NDUFAF6: variants seen among roughly 807,000 people sequenced by gnomAD.
NDUFAF6 encodes the protein NADH:ubiquinone oxidoreductase complex assembly factor 6, also known as NADH dehydrogenase (ubiquinone) complex I, assembly factor 6.
A neutral mutation model predicts 40.8 loss-of-function variants in NDUFAF6; 45 were observed. The observed-to-expected ratio is 1.10, with a 90% CI of 0.87 to 1.42. The LOEUF is 1.42. NDUFAF6 is among the 40% of genes most tolerant of loss of function. The pLI is 0.00. For missense variants in NDUFAF6, 435 were observed against 418.5 expected (o/e 1.04, Z -0.34); for synonymous variants, 185 against 155.9 (o/e 1.19, Z -1.39).
At chr8:94,977,274 G>C (rs1825039671) in intron 1 of NDUFAF6, among the ~76,000 whole-genome samples, 1 of 152,064 alleles carries the variant, frequency 6.6e-6, no homozygotes. Flanking sequence ...TGCTTTGGGA[G>C]GCCAAGGTGG....
chr8:95,048,285 T>C (rs996179455), intron 6 of NDUFAF6, among the ~76,000 whole-genome samples, 172 bp from the exon 7 acceptor site: 25 of 152,266 alleles, frequency 1.6e-4, no homozygotes, highest in African/African-American at 5.5e-4. Context: ...CACACGCACG[T>C]GCTCACATAC....
At chr8:94,968,950 T>A (rs1005955492) in intron 1 of NDUFAF6, among the ~76,000 whole-genome samples, 1 of 152,112 alleles carries the variant, frequency 6.6e-6, no homozygotes, top group Admixed American at 6.5e-5. Context: ...TAAGAATCTC[T>A]AAGGTCAGGA....
At chr8:95,007,800 C>G (rs529805528) in intron 2 of NDUFAF6, among the ~76,000 whole-genome samples, 2 of 151,552 alleles carry the variant, frequency 1.3e-5, no homozygotes, top group South Asian at 4.2e-4. Flanking sequence ...TCTAGGTTCA[C>G]TGCAAACTCT....
At chr8:95,117,057 G>A (rs139962309), downstream of NDUFAF6, among the ~76,000 whole-genome samples, 16 of 152,280 alleles carry the variant, frequency 1.1e-4, no homozygotes, top group African/African-American at 3.8e-4. Flanking sequence ...TAAATTCCTG[G>A]GCTTCATACT....
chr8:95,071,274 T>G (rs1304905701), intron 9 of NDUFAF6, among the ~76,000 whole-genome samples: 1 of 150,674 alleles, frequency 6.6e-6, no homozygotes, highest in East Asian at 1.9e-4. Flanking sequence ...GGCGGGCGCC[T>G]GTAGTCCCAG....
intron 1 of NDUFAF6, among the ~76,000 whole-genome samples, chr8:94,909,170 A>C (rs555175121): frequency 2.6e-5 from 4 of 151,862 alleles, no homozygotes; most frequent in African/African-American, 2.4e-5. Context: ...ACATGGCGAA[A>C]CCCCATCTCT....
intron 1 of NDUFAF6, among the ~76,000 whole-genome samples, chr8:94,968,052 G>A (rs1293611185): frequency 2.6e-5 from 4 of 152,102 alleles, no homozygotes; most frequent in South Asian, 2.1e-4. Context: ...GCCCCAGGTC[G>A]CTGCTGGCTA....
intron 1 of NDUFAF6, among the ~76,000 whole-genome samples, chr8:94,904,652 C>T (rs1818273905): frequency 6.6e-6 from 1 of 151,912 alleles, no homozygotes; most frequent in South Asian, 2.1e-4. Context: ...TCTCTTCTCC[C>T]TTGTGTTCCT....
intron 1 of NDUFAF6, among the ~76,000 whole-genome samples, chr8:94,920,624 C>A (rs1332643091): frequency 6.6e-6 from 1 of 152,216 alleles, no homozygotes; most frequent in African/African-American, 2.4e-5. Flanking sequence ...CCACTGCTTT[C>A]CATCATGGCT....
At position 94,983,878 on chromosome 8, in the gene NDUFAF6, G is replaced by A. The variant is rs143717837; in HGVS notation, c.-84+2905G>A. On this transcript the variant is annotated intron_variant, in intron 2 of 9. Transcript: ENST00000396111. ...CACTTATTAAAGTACAGATTCCAGG[G>A]TCTACCTCAGAGATAGCAAATCAGG... 2.6e-3 allele frequency among the ~76,000 whole-genome samples: 396 copies of A among 152,240 alleles called. 1 individual carries two copies. Among genetic ancestry groups the A allele is most frequent in the Non-Finnish European group, 4.1e-3 (278 of 68,030 alleles).
chr8:94,940,072 A>G, intron 1 of NDUFAF6: 1 of 1,614,240 alleles, frequency 6.2e-7, no homozygotes, highest in Non-Finnish European at 8.5e-7. Context: ...GACATGACTC[A>G]AACTGGAGAA....
chr8:94,988,961 C>T (rs1452220691), intron 2 of NDUFAF6: 2 of 152,216 alleles, frequency 1.3e-5, no homozygotes, highest in Admixed American at 1.3e-4. Context: ...ATTCCACTTA[C>T]ATGAAATGTA....
At position 95,025,098 on chromosome 8, in the gene NDUFAF6, C is replaced by A; in HGVS notation, c.90C>A (p.Tyr30Ter). 1 of 1,483,422 alleles carries A rather than the reference C, an allele frequency of 6.7e-7. No homozygotes were observed. The highest frequency in any genetic ancestry group is 2.4e-5 in the Admixed American group (1 of 41,964). The allele number at this position is 1,483,422 out of a possible 1,614,324, so 91.9% of individuals were successfully genotyped here. The stretch of plus-strand genomic sequence containing the variant: ...GCCGCCGGCCGCCTCTGGGTCTGTA[C>A]GCGCGCATGCGGCGGCTGCCCGGGC... ...LCCRRPPLGL[Y>*]ARMRRLPGPE... The change falls in exon 1 of 9, where the codon TAC becomes TAA. Residue 30 changes from tyrosine to a stop codon, truncating the protein, a stop_gained. Coordinates refer to ENST00000396124, the MANE Select transcript of NDUFAF6 (RefSeq NM_152416.4). LOFTEE classifies it high-confidence loss of function.
intron 1 of NDUFAF6, chr8:94,930,442 C>G (rs376470637): frequency 6.2e-7 from 1 of 1,611,476 alleles, no homozygotes; most frequent in Admixed American, 1.7e-5. Flanking sequence ...CATGTAAGCA[C>G]AAACCAAGAG....
intron 2 of NDUFAF6, among the ~76,000 whole-genome samples, chr8:95,102,789 GTA>G (rs1563869640): frequency 6.6e-6 from 1 of 152,156 alleles, no homozygotes; most frequent in Non-Finnish European, 1.5e-5. Flanking sequence ...GAAGCAAACT[GTA>G]TGTCTTCTGC....
Position 95,048,550 on chromosome 8 carries a change from CTAAAGCATG to C in NDUFAF6, c.812_816+4del. The stretch of plus-strand genomic sequence containing the variant: ...CATTGCCAGTCAAGCACACTTGCAC[CTAAAGCATG>C]TAAGTCGGCTTTTTTTTGCCAAATC... On this transcript the variant is annotated splice_donor_variant and coding_sequence_variant, in exon 7 of 9. Coordinates refer to ENST00000396124, the MANE Select transcript of NDUFAF6 (RefSeq NM_152416.4). LOFTEE classifies it high-confidence loss of function. 1 of 1,613,596 alleles carries C rather than the reference CTAAAGCATG, an allele frequency of 6.2e-7. No homozygotes were observed. The highest frequency in any genetic ancestry group is 1.3e-5 in the African/African-American group (1 of 75,046).
intron 1 of NDUFAF6, among the ~76,000 whole-genome samples, chr8:94,906,967 A>G (rs1015005678): frequency 1.4e-4 from 22 of 152,200 alleles, no homozygotes; most frequent in African/African-American, 4.8e-4. Flanking sequence ...TGCCTGGCCA[A>G]TGTTGGACAG....
At chr8:94,993,960 G>A (rs376067410) in intron 2 of NDUFAF6, among the ~76,000 whole-genome samples, 4 of 152,136 alleles carry the variant, frequency 2.6e-5, no homozygotes, top group Non-Finnish European at 5.9e-5. Context: ...ATGTGGGAAG[G>A]GGAAAAGGTC....
In NDUFAF6 at chr8:94,902,418, C is replaced by CAA. The variant is rs369670770; in HGVS notation, c.-936+6505_-936+6506dup. On this transcript the variant is annotated intron_variant, in intron 1 of 14. Transcript: ENST00000396113. ...TGGGTGACAGAGTGAGGCCCTGTCTCAAAAAAAAAAAAAAAGATATAAATC... is the reference window on the plus strand; with the variant it reads ...TGGGTGACAGAGTGAGGCCCTGTCTCAAAAAAAAAAAAAAAAAGATATAAATC... Among the ~76,000 whole-genome samples the CAA allele has an allele frequency of 2.1e-3, 276 of 132,466 alleles. 2 individuals carry two copies. Among genetic ancestry groups the CAA allele is most frequent in the African/African-American group, 5.2e-3 (183 of 35,002 alleles). The allele number at this position is 132,466 out of a possible 152,430, so 86.9% of individuals were successfully genotyped here.
Sources: allele counts gnomAD v4.1 joint callset (sites outside exome capture counted in the v4.1 genomes callset), GRCh38; gene constraint gnomAD v4.1.1; transcripts MANE v1.5; gene names NCBI Gene and HGNC (gene_info 2026-07-23, HGNC 2026-07-21).